MUC13: variants seen among roughly 807,000 people sequenced by gnomAD.
MUC13 encodes mucin 13, cell surface associated.
A neutral mutation model predicts 48.3 loss-of-function variants in MUC13; 32 were observed. The observed-to-expected ratio is 0.66, with a 90% confidence interval of 0.50 to 0.89. The LOEUF is 0.89. Among genes scored for constraint, MUC13 ranks in the 40% least tolerant of loss-of-function variants. MUC13 has a pLI of 0.00. For missense variants in MUC13, 571 were observed against 622.8 expected (o/e 0.92, Z 0.88); for synonymous variants, 199 against 224.9 (o/e 0.88, Z 1.03).
chr3:124,916,151 G>A (rs17309622), intron 6 of MUC13, among the ~76,000 whole-genome samples, 166 bp downstream of exon 6: 26,308 of 152,136 alleles, frequency 0.17, 2,456 homozygotes, highest in Admixed American at 0.2. Context: ...GAAGCAGAGG[G>A]CAAGCGAACA....
At chr3:124,913,078 G>A (rs1935451059) in intron 8 of MUC13, 33 bp downstream of exon 8, 1 of 1,609,480 alleles carries the variant, frequency 6.2e-7, no homozygotes, top group South Asian at 1.1e-5. Flanking sequence ...AGCTCCAGCT[G>A]TGGCAAGACA....
rs1447224472 is a variant in MUC13 at position 124,912,130 on chromosome 3, C to A, written c.1226G>T (p.Gly409Val). The A allele has an allele frequency of 6.2e-7, 1 of 1,613,082 alleles. No homozygotes were observed. Among genetic ancestry groups the A allele is most frequent in the Non-Finnish European group, 8.5e-7 (1 of 1,179,624 alleles). ...GTCCTTACAGTCGAGTCCACTGTAG[C>A]CAAATGCACACCTGAAATACAGTGA... The part of the protein sequence containing the change: ...ANGNCQKCAF[G>V]YSGLDCKDKF... The change falls in exon 9 of 12, where the codon GGC becomes GTC. Residue 409 changes from glycine (G) to valine (V), a missense_variant. Transcript: ENST00000616727.
chr3:124,924,940 C>T lies in MUC13; in HGVS notation c.515-1291G>A, dbSNP rs1935662950. 2.0e-5 allele frequency among the ~76,000 whole-genome samples: 3 copies of T among 152,312 alleles called. No individual in the cohort carries two copies. The South Asian group carries it at 6.2e-4, about 32-fold the overall frequency. ...TTTGGTGGTTTCTTACAAAAATAAA[C>T]ATACTCTTACGAGAAGATCTGAGAG... On this transcript the variant is annotated intron_variant, in intron 2 of 11. Coordinates refer to ENST00000616727, the MANE Select transcript of MUC13 (RefSeq NM_033049.4).
At position 124,913,256 on chromosome 3, in the gene MUC13, A is replaced by AT; in HGVS notation, c.1085-17dup. The AT allele has an allele frequency of 6.3e-7, 1 of 1,597,304 alleles. No individual in the cohort carries two copies. Among genetic ancestry groups the AT allele is most frequent in the Admixed American group, 1.7e-5 (1 of 57,802 alleles). ...AGACTGGAAGCTTCAAAACAGAATGATTTCTGGGTAATTTTCAGAAACAAT... is the reference window on the plus strand; with the variant it reads ...AGACTGGAAGCTTCAAAACAGAATGATTTTCTGGGTAATTTTCAGAAACAAT... On this transcript the variant is annotated splice_polypyrimidine_tract_variant and intron_variant, in intron 7 of 11. Coordinates refer to ENST00000616727, the MANE Select transcript of MUC13 (RefSeq NM_033049.4).
rs575180691 is a variant in MUC13 at position 124,924,211 on chromosome 3, G to T, written c.515-562C>A. ...GATTAACTCAGTGAAAATTCTAAGA[G>T]GCCATGAGAAGACATTCCAGCCTCT... On this transcript the variant is annotated intron_variant, in intron 2 of 11. Coordinates refer to ENST00000616727, the MANE Select transcript of MUC13 (RefSeq NM_033049.4). Among the ~76,000 whole-genome samples, 3 of 152,320 alleles carry T rather than the reference G, an allele frequency of 2.0e-5. No homozygotes were observed. In the South Asian group the frequency reaches 6.2e-4, roughly 32 times the overall value.
intron 7 of MUC13, 50 bp downstream of exon 7, chr3:124,913,512 A>G (rs1935459803): frequency 1.2e-6 from 2 of 1,611,418 alleles, no homozygotes; most frequent in African/African-American, 1.3e-5. Flanking sequence ...GTTGCAAAAG[A>G]AGAGAAAGTG....
intron 10 of MUC13, among the ~76,000 whole-genome samples, chr3:124,909,695 TA>T (rs201030525): frequency 0.027 from 4,098 of 150,590 alleles, 185 homozygotes; most frequent in African/African-American, 0.093. Flanking sequence ...TAAAAAAAGT[TA>T]AAAAAAAACA....
Position 124,927,692 on chromosome 3 carries a change from A to C in MUC13, c.354T>G (p.Ser118=). 2 of 1,614,248 alleles carry C rather than the reference A, an allele frequency of 1.2e-6. No homozygotes were observed. Among genetic ancestry groups the C allele is most frequent in the South Asian group, 2.2e-5 (2 of 91,082 alleles). Residue 118 remains serine (S), a synonymous_variant, in exon 2 of 12, where the codon TCT becomes TCG. Transcript: ENST00000616727. ...TTGGAGATGAAGCGGTGATTATGTC[A>C]GAGGTAGCTAATGAATTTACATTTG... ...STTNVNSLAT[S]DIITASSPND... is the part of the protein sequence containing the mutation.
In MUC13 at chr3:124,916,425, T is replaced by C. The variant is rs1935512664; in HGVS notation, c.856A>G (p.Thr286Ala). 6.2e-7 allele frequency: 1 copy of C among 1,613,818 alleles called. No individual in the cohort carries two copies. Residue 286 changes from threonine (T) to alanine (A), a missense_variant, in exon 6 of 12, where the codon ACA becomes GCA. By Grantham distance (58) the Thr-to-Ala change is moderately conservative. Coordinates refer to ENST00000616727, the MANE Select transcript of MUC13 (RefSeq NM_033049.4). ...MRADDKFVNV[T>A]IVTILAETTS... ...GTTTCTGCCAAAATTGTTACTATTG[T>C]TACATTAACAAACTTGTCATCAGCA... is the stretch of plus-strand genomic sequence containing the variant.
At chr3:124,913,081 G>A (rs928309147) in intron 8 of MUC13, 30 bp downstream of exon 8, 1 of 1,610,118 alleles carries the variant, frequency 6.2e-7, no homozygotes, top group Non-Finnish European at 8.5e-7. Flanking sequence ...TCCAGCTGTG[G>A]CAAGACAAAA....
rs927095283 is a variant in MUC13, at chr3:124,905,605, TTG to T, written c.*1136_*1137del. 2.6e-5 allele frequency: 4 copies of T among 153,180 alleles called. No homozygotes were observed. Among genetic ancestry groups the T allele is most frequent in the Admixed American group, 6.6e-5 (1 of 15,256 alleles). 9.5% of individuals were successfully genotyped at this position (153,180 alleles called of 1,614,324 possible). ...TTGTACTGGATGTGGTTGCCCCCAT[TTG>T]TGTGTGTGGTTGTGTGTGTGTGGTT... On this transcript the variant is annotated 3_prime_UTR_variant, in exon 12 of 12. Coordinates refer to ENST00000616727, the MANE Select transcript of MUC13 (RefSeq NM_033049.4).
chr3:124,924,524 C>G (rs1472061364), intron 2 of MUC13, among the ~76,000 whole-genome samples: 3 of 152,120 alleles, frequency 2.0e-5, no homozygotes, highest in Non-Finnish European at 4.4e-5. Flanking sequence ...TATGTAGAAA[C>G]CACTGATTTC....
intron 5 of MUC13, among the ~76,000 whole-genome samples, chr3:124,919,134 G>A (rs189713200): frequency 8.1e-4 from 123 of 151,772 alleles, no homozygotes; most frequent in Admixed American, 2.5e-3. Context: ...TCAGGAGTTC[G>A]AGACCAGCCT....
At chr3:124,920,642 A>G (rs1230432705) in intron 4 of MUC13, among the ~76,000 whole-genome samples, 6 of 152,198 alleles carry the variant, frequency 3.9e-5, no homozygotes, top group Non-Finnish European at 7.3e-5. Context: ...GAGATCAAGT[A>G]TCTAATCTGA....
chr3:124,930,884 C>T (rs1664847710), intron 1 of MUC13, among the ~76,000 whole-genome samples: 1 of 152,184 alleles, frequency 6.6e-6, no homozygotes, highest in Non-Finnish European at 1.5e-5. Flanking sequence ...GCAAAAACAA[C>T]CTGGGAAGTT....
At chr3:124,929,105 AG>A (rs1456798852) in intron 1 of MUC13, among the ~76,000 whole-genome samples, 2 of 152,028 alleles carry the variant, frequency 1.3e-5, no homozygotes, top group Admixed American at 1.3e-4. Context: ...CACAACTTTT[AG>A]GAACCCCTGG....
chr3:124,934,129 C>T (rs779376602), intron 1 of MUC13, among the ~76,000 whole-genome samples: 4 of 152,130 alleles, frequency 2.6e-5, no homozygotes, highest in African/African-American at 7.2e-5. Flanking sequence ...CAAAGAGAAA[C>T]CTCTGGTTTG....
chr3:124,927,120 A>C (rs576523600), intron 2 of MUC13, among the ~76,000 whole-genome samples: 23 of 152,300 alleles, frequency 1.5e-4, no homozygotes, highest in African/African-American at 5.1e-4. Context: ...GGTAGAACTG[A>C]CTTCTTCCTT....
intron 2 of MUC13, among the ~76,000 whole-genome samples, chr3:124,924,461 T>C (rs937657406): frequency 6.6e-6 from 1 of 152,242 alleles, no homozygotes; most frequent in Admixed American, 6.5e-5. Context: ...GATGTCAGAA[T>C]AGCTTATGTG....
Sources: gnomAD v4.1 joint callset for allele counts (sites outside exome capture counted in the v4.1 genomes callset) on GRCh38, gnomAD v4.1.1 for gene constraint, MANE v1.5 for transcripts, NCBI Gene and HGNC (gene_info 2026-07-23, HGNC 2026-07-21) for gene names.